Variants in BCKDHB observed in about 807,000 individuals in gnomAD.
BCKDHB encodes the protein branched chain keto acid dehydrogenase E1 subunit beta, also known as 2-oxoisovalerate dehydrogenase subunit beta, mitochondrial.
Under a neutral mutation model 48.5 loss-of-function variants are expected in BCKDHB, and 41 were observed. That is an observed-to-expected ratio of 0.85 (90% CI 0.66 to 1.10). BCKDHB has a LOEUF of 1.10. Among genes scored for constraint, BCKDHB ranks in the 50% least tolerant of loss-of-function variants. The probability of loss-of-function intolerance (pLI) is 0.00; values close to 1 mark genes in which losing one functional copy is unlikely to be tolerated. For synonymous variants in BCKDHB, 201 were observed against 174.8 expected (o/e 1.15, Z -1.18); for missense variants, 496 against 494.2 (o/e 1.00, Z -0.03).
chr6:80,169,970 T>A (rs987935382), intron 5 of BCKDHB: 267 of 1,310,426 alleles, frequency 2.0e-4, no homozygotes, highest in Middle Eastern at 2.6e-4. Context: ...TTATATTGTT[T>A]TTAAGAACAG....
the BCKDHB span, among the ~76,000 whole-genome samples, chr6:80,388,823 G>T: frequency 1.3e-5 from 2 of 152,188 alleles, no homozygotes; most frequent in African/African-American, 4.8e-5. Flanking sequence ...CAGCACTACA[G>T]CCCCTTTTTA....
intron 1 of BCKDHB, among the ~76,000 whole-genome samples, chr6:80,118,595 G>T (rs908883560): frequency 1.3e-5 from 2 of 151,610 alleles, no homozygotes; most frequent in African/African-American, 4.8e-5. Flanking sequence ...TTTCTCTGTA[G>T]CATGAGATGC....
In BCKDHB at chr6:80,291,411, A is replaced by G. The variant is rs74367686; in HGVS notation, c.1038+18190A>G. 2.7e-3 allele frequency among the ~76,000 whole-genome samples: 415 copies of G among 152,344 alleles called. 2 individuals carry two copies. Among genetic ancestry groups the G allele is most frequent in the African/African-American group, 9.2e-3 (384 of 41,578 alleles). On this transcript the variant is annotated intron_variant, in intron 9 of 9. Coordinates refer to ENST00000320393, the MANE Select transcript of BCKDHB (RefSeq NM_183050.4). ...GTTCTGACAGAATGTGATATCTGGA[A>G]TATTAATAAGTATTTAAGAAAACAT...
chr6:80,369,888 A>G, the BCKDHB span, among the ~76,000 whole-genome samples: 1 of 151,636 alleles, frequency 6.6e-6, no homozygotes, highest in Admixed American at 6.6e-5. Context: ...AATATTTTAA[A>G]TGAGATTTGC....
chr6:80,178,050 C>T (rs1311433317), intron 6 of BCKDHB, among the ~76,000 whole-genome samples: 1 of 152,182 alleles, frequency 6.6e-6, no homozygotes. Context: ...GCTTACTGCC[C>T]TTATCTTACC....
intron 3 of BCKDHB, among the ~76,000 whole-genome samples, chr6:80,155,562 TG>T (rs1771998016): frequency 6.6e-6 from 1 of 152,158 alleles, no homozygotes; most frequent in Non-Finnish European, 1.5e-5. Flanking sequence ...ACTAGGATTT[TG>T]TCATTTTGTA....
chr6:80,412,561 A>G, the BCKDHB span, among the ~76,000 whole-genome samples: 3 of 152,230 alleles, frequency 2.0e-5, no homozygotes, highest in African/African-American at 7.2e-5. Context: ...TTTACATACT[A>G]TCATTACAGT....
intron 1 of BCKDHB, 86 bp from the exon 2 acceptor site, chr6:80,127,461 A>C: frequency 9.6e-7 from 1 of 1,039,430 alleles, no homozygotes; most frequent in South Asian, 1.3e-5. Context: ...CCTTGATTTT[A>C]GTCAAGTTGT....
At chr6:80,278,920 A>G (rs77327078) in intron 9 of BCKDHB, among the ~76,000 whole-genome samples, 2,341 of 152,088 alleles carry the variant, frequency 0.015, 82 homozygotes, top group African/African-American at 0.053. Flanking sequence ...GTTGAGCTTT[A>G]GACCCAAAAT....
chr6:80,126,630 C>T (rs897370552), intron 1 of BCKDHB, among the ~76,000 whole-genome samples: 5 of 151,966 alleles, frequency 3.3e-5, no homozygotes, highest in South Asian at 4.2e-4. Flanking sequence ...GTGGGCCTTT[C>T]GATCGGGAGA....
At chr6:80,311,497 G>T (rs901142173) in intron 9 of BCKDHB, among the ~76,000 whole-genome samples, 1 of 152,128 alleles carries the variant, frequency 6.6e-6, no homozygotes, top group Non-Finnish European at 1.5e-5. Flanking sequence ...TCTTCGTCAA[G>T]AAATCTTTGC....
intron 6 of BCKDHB, among the ~76,000 whole-genome samples, chr6:80,195,163 A>AT (rs5877699): frequency 0.081 from 12,270 of 150,624 alleles, 573 homozygotes; most frequent in South Asian, 0.1. Context: ...AATTCTACAG[A>AT]TTTTTTTTTT....
At chr6:80,430,563 G>T in the BCKDHB span, among the ~76,000 whole-genome samples, 2 of 151,316 alleles carry the variant, frequency 1.3e-5, no homozygotes, top group South Asian at 4.2e-4. Context: ...TCTATTCAGG[G>T]ATTCAATTTT....
At chr6:80,182,342 C>G (rs149533157) in intron 6 of BCKDHB, among the ~76,000 whole-genome samples, 1 of 152,148 alleles carries the variant, frequency 6.6e-6, no homozygotes, top group East Asian at 1.9e-4. Flanking sequence ...GGAATAGGAC[C>G]CAGTGGGATT....
In BCKDHB at chr6:80,283,000, C is replaced by G. The variant is rs558316080; in HGVS notation, c.1038+9779C>G. Reference sequence around the variant, plus strand: ...CATTTGAGTTTTGGGATTTACCATTCATAGTGATGGTGGTTACTTACTCAG... The same window carrying G: ...CATTTGAGTTTTGGGATTTACCATTGATAGTGATGGTGGTTACTTACTCAG... On this transcript the variant is annotated intron_variant, in intron 9 of 9. Coordinates refer to ENST00000320393, the MANE Select transcript of BCKDHB (RefSeq NM_183050.4). 9.2e-5 allele frequency among the ~76,000 whole-genome samples: 14 copies of G among 152,136 alleles called. No homozygotes were observed. The East Asian group carries it at 1.7e-3, about 19-fold the overall frequency.
Position 80,343,840 on chromosome 6 carries a change from A to T in BCKDHB, c.*36A>T. ...AGGTATGCATCTTGAGAAAGCTACT[A>T]TGTGCCCCTGACATTAACGTACTGT... On this transcript the variant is annotated 3_prime_UTR_variant, in exon 10 of 10. Transcript: ENST00000320393. 6.2e-7 allele frequency: 1 copy of T among 1,610,854 alleles called. No individual in the cohort carries two copies. Among genetic ancestry groups the T allele is most frequent in the African/African-American group, 1.3e-5 (1 of 74,926 alleles).
At chr6:80,299,130 A>C (rs1767417702) in intron 9 of BCKDHB, among the ~76,000 whole-genome samples, 1 of 152,136 alleles carries the variant, frequency 6.6e-6, no homozygotes, top group Non-Finnish European at 1.5e-5. Context: ...TTGAGCCTCA[A>C]ACCAAGTTTG....
At chr6:80,285,057 A>G (rs1368649347) in intron 9 of BCKDHB, among the ~76,000 whole-genome samples, 1 of 152,154 alleles carries the variant, frequency 6.6e-6, no homozygotes, top group African/African-American at 2.4e-5. Context: ...AAAAAAACTG[A>G]AACTTAATCT....
In BCKDHB at chr6:80,171,146, A is replaced by G. The variant is rs1772894237; in HGVS notation, c.634-136A>G. On this transcript the variant is annotated intron_variant, in intron 5 of 9. Transcript: ENST00000320393. The stretch of plus-strand genomic sequence containing the variant: ...TAATATGTAAACTTAATAAGTGATA[A>G]TTAGGCTTAAAATAAATAGCCAATA... 8 of 599,958 alleles carry G rather than the reference A, an allele frequency of 1.3e-5. No homozygotes were observed. The South Asian group carries it at 1.5e-4, about 12-fold the overall frequency. 37.2% of individuals were successfully genotyped at this position (599,958 alleles called of 1,614,324 possible). A position where few individuals can be genotyped will look rare whatever the true frequency, so the allele number is the denominator to read the frequency against.
Sources: allele counts gnomAD v4.1 joint callset (sites outside exome capture counted in the v4.1 genomes callset), GRCh38; gene constraint gnomAD v4.1.1; transcripts MANE v1.5; gene names NCBI Gene and HGNC (gene_info 2026-07-23, HGNC 2026-07-21).